Variants in ADORA2B observed in about 807,000 individuals in gnomAD.
ADORA2B encodes adenosine receptor A2b.
In ADORA2B, 18 loss-of-function variants were observed where a neutral mutation model predicts 20.8. The observed-to-expected ratio is 0.87, with a 90% CI of 0.60 to 1.29. The LOEUF (loss-of-function observed/expected upper bound fraction) is 1.29, where lower values mean the gene tolerates loss of function less well. Ranked by LOEUF, ADORA2B falls within the 50% of genes most tolerant of loss-of-function variation. ADORA2B has a pLI of 0.00. For missense variants in ADORA2B, 441 were observed against 422.7 expected, an observed-to-expected ratio of 1.04 and a Z score of -0.38; for synonymous variants, 179 against 178.3, an observed-to-expected ratio of 1.00 and a Z score of -0.03.
At chr17:15,952,601 C>T (rs1485726759) in intron 1 of ADORA2B, among the ~76,000 whole-genome samples, 1 of 152,216 alleles carries the variant, frequency 6.6e-6, no homozygotes, top group Non-Finnish European at 1.5e-5. Context: ...TGAATAAGGA[C>T]ACTGGCAAAT....
At chr17:15,944,629 G>A (rs1295434883), upstream of ADORA2B, among the ~76,000 whole-genome samples, 1 of 151,914 alleles carries the variant, frequency 6.6e-6, no homozygotes, top group East Asian at 1.9e-4. The surrounding 1 kb of genome is among the most constrained non-coding windows in gnomAD (Gnocchi z 4.8). Flanking sequence ...AGACAGCTCC[G>A]GTGGTGCTGC....
the ADORA2B span, among the ~76,000 whole-genome samples, chr17:15,873,790 T>C: frequency 6.6e-6 from 1 of 152,178 alleles, no homozygotes; most frequent in Admixed American, 6.5e-5. Flanking sequence ...TATACACTAC[T>C]GGTGGTAATG....
the ADORA2B span, among the ~76,000 whole-genome samples, chr17:15,909,224 C>T: frequency 1.3e-5 from 2 of 152,036 alleles, no homozygotes; most frequent in African/African-American, 4.8e-5. Context: ...ACAACAACAA[C>T]AAAACTTTGC....
the ADORA2B span, among the ~76,000 whole-genome samples, chr17:15,930,771 T>G: frequency 6.6e-6 from 1 of 152,198 alleles, no homozygotes; most frequent in Non-Finnish European, 1.5e-5. Context: ...ATTATGGTTA[T>G]TTTCCTGACC....
chr17:15,890,450 C>G, the ADORA2B span, among the ~76,000 whole-genome samples: 4 of 89,654 alleles, frequency 4.5e-5, no homozygotes, highest in African/African-American at 2.1e-4. Context: ...TCAGATTTCT[C>G]ATTCCTTTCT....
At chr17:15,877,872 C>G in the ADORA2B span, among the ~76,000 whole-genome samples, 1 of 152,074 alleles carries the variant, frequency 6.6e-6, no homozygotes, top group Admixed American at 6.5e-5. Flanking sequence ...TTGCCCTTCC[C>G]CACTGCTGGC....
chr17:15,876,069 T>C, the ADORA2B span, among the ~76,000 whole-genome samples: 74 of 152,330 alleles, frequency 4.9e-4, no homozygotes, highest in African/African-American at 1.7e-3. Context: ...TTTGCCTCTC[T>C]CTTTTTTGAT....
chr17:15,890,288 T>A, the ADORA2B span, among the ~76,000 whole-genome samples: 4 of 129,046 alleles, frequency 3.1e-5, 1 homozygote, highest in African/African-American at 1.3e-4. Flanking sequence ...TATTTGTGTT[T>A]CCTCTTCAGT....
the ADORA2B span, among the ~76,000 whole-genome samples, chr17:15,901,622 CA>C: frequency 2.6e-5 from 4 of 152,074 alleles, no homozygotes; most frequent in Non-Finnish European, 5.9e-5. Flanking sequence ...ATACACTGTA[CA>C]GGGGGAAACT....
At chr17:15,867,606 G>A in the ADORA2B span, among the ~76,000 whole-genome samples, 9 of 148,776 alleles carry the variant, frequency 6.0e-5, no homozygotes, top group East Asian at 8.0e-4. Flanking sequence ...CAGCCACCCC[G>A]TCGGGAAGGG....
At chr17:15,932,951 A>ATTTTTT in the ADORA2B span, among the ~76,000 whole-genome samples, 2 of 135,974 alleles carry the variant, frequency 1.5e-5, no homozygotes, top group African/African-American at 2.8e-5. Flanking sequence ...TAGTCCTTCA[A>ATTTTTT]TTTTTTTTTT....
chr17:15,972,446 T>A (rs1214979040), intron 1 of ADORA2B, among the ~76,000 whole-genome samples: 1 of 152,236 alleles, frequency 6.6e-6, no homozygotes, highest in Non-Finnish European at 1.5e-5. Flanking sequence ...ACATTACATA[T>A]GTATTATGGA....
chr17:15,956,089 T>C (rs569976965), intron 1 of ADORA2B, among the ~76,000 whole-genome samples: 1 of 152,386 alleles, frequency 6.6e-6, no homozygotes, highest in East Asian at 1.9e-4. Flanking sequence ...CAGTGCTTTC[T>C]CATTCTTTGT....
chr17:15,901,735 A>C, the ADORA2B span, among the ~76,000 whole-genome samples: 1 of 152,114 alleles, frequency 6.6e-6, no homozygotes, highest in African/African-American at 2.4e-5. Context: ...GGCTCCTAAA[A>C]CACAATTTAT....
chr17:15,945,418 G>T lies in ADORA2B; in HGVS notation c.170G>T (p.Gly57Val). The change falls in exon 1 of 2, where the codon GGG becomes GTG. Residue 57 changes from glycine to valine, a missense_variant. Physicochemically the swap from Gly to Val is moderately radical, Grantham distance 109. Transcript: ENST00000304222. ...CTGGCTGCGGCCGACGTGGCCGTGG[G>T]GCTCTTCGCCATCCCCTTTGCCATC... is the stretch of plus-strand genomic sequence containing the variant. ...VSLAAADVAV[G>V]LFAIPFAITI... is the part of the protein sequence containing the mutation. 6 of 1,613,598 alleles carry T rather than the reference G, an allele frequency of 3.7e-6. No homozygotes were observed. The highest frequency in any genetic ancestry group is 5.1e-6 in the Non-Finnish European group (6 of 1,179,968).
chr17:15,969,225 C>T (rs1002774641), intron 1 of ADORA2B, among the ~76,000 whole-genome samples: 12 of 152,136 alleles, frequency 7.9e-5, no homozygotes, highest in East Asian at 7.7e-4. Context: ...CTGAGGTGGG[C>T]GGATCACGAG....
chr17:15,888,842 ATATATATATTTTTTTTTTTTTT>A, the ADORA2B span, among the ~76,000 whole-genome samples: 1 of 17,160 alleles, frequency 5.8e-5, no homozygotes, highest in South Asian at 2.1e-3. Context: ...ATATATATAT[ATATATATATTTTTTTTTTTTTT>A]TTTTTTTTTT....
chr17:15,867,439 ATCTGAGAAGTGAGGAGACCCTCTGC>A, the ADORA2B span, among the ~76,000 whole-genome samples: 2 of 133,682 alleles, frequency 1.5e-5, no homozygotes, highest in East Asian at 2.3e-4. Flanking sequence ...CGGCCGCCCC[ATCTGAGAAGTGAGGAGACCCTCTGC>A]CTGGCAACCG....
intron 1 of ADORA2B, among the ~76,000 whole-genome samples, chr17:15,951,226 TC>T (rs1274904297): frequency 3.3e-5 from 5 of 152,108 alleles, no homozygotes; most frequent in African/African-American, 1.2e-4. Flanking sequence ...TCTGAAAACA[TC>T]TCTCATGGGC....
Sources: allele counts gnomAD v4.1 joint callset (sites outside exome capture counted in the v4.1 genomes callset), GRCh38; gene constraint gnomAD v4.1.1; non-coding constraint Gnocchi (gnomAD v3.1); transcripts MANE v1.5; gene names NCBI Gene and HGNC (gene_info 2026-07-23, HGNC 2026-07-21).